Variants in SMYD3 observed in about 807,000 individuals in gnomAD.
The protein encoded by SMYD3 is histone-lysine N-methyltransferase SMYD3.
SMYD3 carries 36 observed loss-of-function variants against 57.7 expected under a neutral mutation model. That is an observed-to-expected ratio of 0.62 (90% CI 0.48 to 0.82). The LOEUF is 0.82. Ranked by LOEUF, SMYD3 falls within the 40% of genes least tolerant of loss-of-function variation. SMYD3 has a pLI of 0.00. For missense variants in SMYD3, 515 were observed against 538.8 expected (o/e 0.96, Z 0.44); for synonymous variants, 211 against 195.0 (o/e 1.08, Z -0.68).
intron 1 of SMYD3, among the ~76,000 whole-genome samples, chr1:246,395,187 C>T (rs1206336397): frequency 6.6e-6 from 1 of 152,234 alleles, no homozygotes; most frequent in Admixed American, 6.5e-5. Flanking sequence ...CATTTTAAAA[C>T]AGAAGGCTCT....
At chr1:245,840,952 G>A (rs913134469) in intron 10 of SMYD3, among the ~76,000 whole-genome samples, 10 of 152,174 alleles carry the variant, frequency 6.6e-5, no homozygotes, top group East Asian at 3.8e-4. Context: ...GGGTAGCTGC[G>A]CACTTCCAAA....
chr1:246,483,444 C>T (rs2068139512), intron 1 of SMYD3: 1 of 152,204 alleles, frequency 6.6e-6, no homozygotes. Flanking sequence ...CCTCAGCCCC[C>T]AGAAGTATCC....
chr1:246,200,399 G>A (rs987325462), intron 5 of SMYD3, among the ~76,000 whole-genome samples: 3 of 151,726 alleles, frequency 2.0e-5, no homozygotes, highest in Non-Finnish European at 4.4e-5. Flanking sequence ...CGCAGACGCT[G>A]AGCAAGAATG....
chr1:246,151,067 G>A (rs1342307795), intron 5 of SMYD3, among the ~76,000 whole-genome samples: 1 of 152,028 alleles, frequency 6.6e-6, no homozygotes, highest in Admixed American at 6.5e-5. Context: ...CCAAGATGGT[G>A]AAACCCTGTC....
At chr1:246,142,837 G>A (rs2061779519) in intron 5 of SMYD3, among the ~76,000 whole-genome samples, 1 of 152,108 alleles carries the variant, frequency 6.6e-6, no homozygotes, top group South Asian at 2.1e-4. Flanking sequence ...AACACAAATT[G>A]GCCAGAACAT....
Position 246,507,210 on chromosome 1 carries a change from G to C in SMYD3, c.8C>G (p.Pro3Arg). MEPLKVEKFATAK... is the reference protein window; with the variant it reads MERLKVEKFATAK... ...GGTTGCGAACTTTTCCACCTTCAGCGGCTCCATCCTCCCGCAGCTCCGGCA... is the reference window on the plus strand; with the variant it reads ...GGTTGCGAACTTTTCCACCTTCAGCCGCTCCATCCTCCCGCAGCTCCGGCA... The change falls in exon 1 of 12, where the codon CCG becomes CGG. Residue 3 changes from proline (P) to arginine (R), a missense_variant. Physicochemically the swap from Pro to Arg is moderately radical, Grantham distance 103. Transcript: ENST00000490107. 6.6e-7 allele frequency: 1 copy of C among 1,519,344 alleles called. No individual in the cohort carries two copies. The highest frequency in any genetic ancestry group is 8.8e-7 in the Non-Finnish European group (1 of 1,132,160). The allele number at this position is 1,519,344 out of a possible 1,614,324, so 94.1% of individuals were successfully genotyped here.
chr1:246,155,830 TAA>T (rs978895890), intron 5 of SMYD3, among the ~76,000 whole-genome samples: 45 of 150,504 alleles, frequency 3.0e-4, no homozygotes, highest in African/African-American at 1.1e-3. Flanking sequence ...AAATAAAAAA[TAA>T]AAAAAAATAG....
intron 3 of SMYD3, among the ~76,000 whole-genome samples, chr1:246,334,936 AG>A (rs1175908330): frequency 1.3e-5 from 2 of 152,172 alleles, no homozygotes; most frequent in East Asian, 3.9e-4. Flanking sequence ...CATTTGCGAA[AG>A]GAAGAGGCAA....
chr1:245,757,619 G>A (rs12405915), intron 11 of SMYD3, among the ~76,000 whole-genome samples: 4,560 of 152,116 alleles, frequency 0.03, 187 homozygotes, highest in Admixed American at 0.11. Context: ...TTAAGAAAGG[G>A]TCTAACTTTA....
At chr1:246,228,752 C>A (rs557100548) in intron 5 of SMYD3, among the ~76,000 whole-genome samples, 1 of 152,228 alleles carries the variant, frequency 6.6e-6, no homozygotes, top group African/African-American at 2.4e-5. Flanking sequence ...TCCAGCAGCA[C>A]CATCACTTTA....
chr1:246,006,042 G>A (rs977831542), intron 5 of SMYD3, among the ~76,000 whole-genome samples: 3 of 152,146 alleles, frequency 2.0e-5, no homozygotes, highest in Admixed American at 2.0e-4. Context: ...GAGAAAAGGC[G>A]GGATCTTGAC....
At chr1:246,058,623 C>G (rs73135706) in intron 5 of SMYD3, among the ~76,000 whole-genome samples, 1 of 152,096 alleles carries the variant, frequency 6.6e-6, no homozygotes, top group Non-Finnish European at 1.5e-5. Flanking sequence ...AAAGCCAGTA[C>G]AAGGAAGCTT....
intron 5 of SMYD3, among the ~76,000 whole-genome samples, chr1:246,057,539 A>T (rs1434204590): frequency 2.0e-5 from 3 of 152,216 alleles, no homozygotes; most frequent in Non-Finnish European, 4.4e-5. Flanking sequence ...ATGCAAATTA[A>T]AATAACAAGA....
At chr1:246,054,350 A>G (rs1197435103) in intron 5 of SMYD3, among the ~76,000 whole-genome samples, 1 of 152,240 alleles carries the variant, frequency 6.6e-6, no homozygotes, top group Non-Finnish European at 1.5e-5. Flanking sequence ...TACTTCAGAA[A>G]GCAGTCTTGT....
intron 1 of SMYD3, among the ~76,000 whole-genome samples, chr1:246,430,998 T>C (rs1447157153): frequency 6.6e-6 from 1 of 152,070 alleles, no homozygotes; most frequent in Non-Finnish European, 1.5e-5. Context: ...ACATAACCCC[T>C]GAGATTTAGA....
At chr1:246,220,268 G>A (rs6683143) in intron 5 of SMYD3, among the ~76,000 whole-genome samples, 26,686 of 151,200 alleles carry the variant, frequency 0.18, 2,743 homozygotes, top group East Asian at 0.34. Context: ...AGGAATGGCC[G>A]GGCCTGCACA....
At chr1:245,995,462 C>T (rs993694587) in intron 5 of SMYD3, among the ~76,000 whole-genome samples, 1 of 152,208 alleles carries the variant, frequency 6.6e-6, no homozygotes, top group Non-Finnish European at 1.5e-5. Context: ...GTAATTTATG[C>T]CAACGTGTTT....
In SMYD3 at chr1:246,104,299, C is replaced by T. The variant is rs975751125; in HGVS notation, c.532-174362G>A. Among the ~76,000 whole-genome samples the T allele has an allele frequency of 2.6e-5, 4 of 152,298 alleles. 1 individual carries two copies. Among genetic ancestry groups the T allele is most frequent in the Admixed American group, 2.6e-4 (4 of 15,302 alleles). ...GAGTTAACATAAAATACTTTGAAAA[C>T]ATAAATATGTCCAAAATGATTTAAA... On this transcript the variant is annotated intron_variant, in intron 5 of 11. Coordinates refer to ENST00000490107, the MANE Select transcript of SMYD3 (RefSeq NM_001167740.2).
chr1:245,879,460 G>A (rs1001746287), intron 8 of SMYD3, among the ~76,000 whole-genome samples: 2 of 152,210 alleles, frequency 1.3e-5, no homozygotes, highest in African/African-American at 2.4e-5. Context: ...CTGAGTAACC[G>A]AGGTGATGAG....
Sources: gnomAD v4.1 joint callset for allele counts (sites outside exome capture counted in the v4.1 genomes callset) on GRCh38, gnomAD v4.1.1 for gene constraint, MANE v1.5 for transcripts, NCBI Gene and HGNC (gene_info 2026-07-23, HGNC 2026-07-21) for gene names.